EXOC5: variants seen among roughly 807,000 people sequenced by gnomAD.
EXOC5 encodes the protein exocyst complex component 5.
A neutral mutation model predicts 90.8 loss-of-function variants in EXOC5; 17 were observed. The observed-to-expected ratio is 0.19, with a 90% confidence interval of 0.13 to 0.28. The LOEUF is 0.28. EXOC5 is among the 10% of genes least tolerant of loss of function. EXOC5 has a pLI of 1.00. For missense variants in EXOC5, 569 were observed against 830.6 expected (o/e 0.69, Z 3.87); for synonymous variants, 260 against 270.0 (o/e 0.96, Z 0.36).
At chr14:57,246,625 C>T (rs1594674795) in intron 3 of EXOC5, 86 bp downstream of exon 3, 2 of 1,162,582 alleles carry the variant, frequency 1.7e-6, no homozygotes, top group Non-Finnish European at 1.3e-6. Context: ...TATCATCTGA[C>T]TAGACTTTTT....
At chr14:57,218,398 A>C (rs1441048810) in intron 14 of EXOC5, among the ~76,000 whole-genome samples, 2 of 152,076 alleles carry the variant, frequency 1.3e-5, no homozygotes, top group Non-Finnish European at 2.9e-5. Context: ...TTTCTTTATA[A>C]ACAAATATCT....
chr14:57,217,575 T>C (rs559405127), intron 15 of EXOC5, among the ~76,000 whole-genome samples: 25 of 152,294 alleles, frequency 1.6e-4, no homozygotes, highest in Middle Eastern at 3.4e-3. Flanking sequence ...GTGTTCTGAC[T>C]ACTCCAGATA....
chr14:57,216,081 G>A lies in EXOC5; in HGVS notation c.1613+1901C>T, dbSNP rs911275323. Among the ~76,000 whole-genome samples, 3 of 151,830 alleles carry A rather than the reference G, an allele frequency of 2.0e-5. No individual in the cohort carries two copies. In the East Asian group the frequency reaches 5.8e-4, roughly 29 times the overall value. On this transcript the variant is annotated intron_variant, in intron 15 of 17. Coordinates refer to ENST00000621441, the MANE Select transcript of EXOC5 (RefSeq NM_006544.4). ...ATCCCATTTACAATAGCATGAAAAA[G>A]AATAAAATATTTAGGAATTAACCAA... is the stretch of plus-strand genomic sequence containing the variant.
At chr14:57,237,315 G>T (rs747528450) in intron 6 of EXOC5, 23 bp downstream of exon 6, 1 of 1,259,256 alleles carries the variant, frequency 7.9e-7, no homozygotes, top group Non-Finnish European at 1.1e-6. Context: ...TTAAAAAAAA[G>T]GTAAAATAAA....
intron 1 of EXOC5, among the ~76,000 whole-genome samples, chr14:57,266,092 A>T (rs1392040839): frequency 6.6e-6 from 1 of 152,222 alleles, no homozygotes; most frequent in East Asian, 1.9e-4. Context: ...TCAAAAGCTT[A>T]ATTTTGTTTT....
rs769852391 is a variant in EXOC5, at chr14:57,268,675, C to A, written c.-27G>T. 6 of 1,574,844 alleles carry A rather than the reference C, an allele frequency of 3.8e-6. No homozygotes were observed. The highest frequency in any genetic ancestry group is 1.1e-5 in the South Asian group (1 of 87,288). On this transcript the variant is annotated 5_prime_UTR_variant, in exon 1 of 18. Coordinates refer to ENST00000621441, the MANE Select transcript of EXOC5 (RefSeq NM_006544.4). Reference sequence around the variant, plus strand: ...CCGGCCGGCTGAGAGGCTCGCCCCCCACTGGATGCCGTCTCCGCTTCACAT... The same window carrying A: ...CCGGCCGGCTGAGAGGCTCGCCCCCAACTGGATGCCGTCTCCGCTTCACAT...
At chr14:57,254,912 A>G (rs1002078466) in intron 1 of EXOC5, among the ~76,000 whole-genome samples, 1 of 152,268 alleles carries the variant, frequency 6.6e-6, no homozygotes, top group Admixed American at 6.5e-5. Flanking sequence ...TGAGAAATAA[A>G]TTTCTGTTGT....
chr14:57,239,725 A>G (rs1402602792), intron 4 of EXOC5, 66 bp from the exon 5 acceptor site: 2 of 955,334 alleles, frequency 2.1e-6, no homozygotes, highest in East Asian at 2.7e-5. Context: ...ATAATTATAT[A>G]TCTGAAATTA....
intron 4 of EXOC5, among the ~76,000 whole-genome samples, chr14:57,240,321 C>G (rs1018994645): frequency 6.6e-6 from 1 of 151,270 alleles, no homozygotes; most frequent in African/African-American, 2.4e-5. Flanking sequence ...ACAGATATCT[C>G]TTAAGGCTGG....
rs1198918181 is a variant in EXOC5, at chr14:57,203,176, C to G, written c.*5433G>C. On this transcript the variant is annotated 3_prime_UTR_variant, in exon 18 of 18. Coordinates refer to ENST00000621441, the MANE Select transcript of EXOC5 (RefSeq NM_006544.4). Reference sequence around the variant, plus strand: ...TGTTGCCCAGAGTGGTCTTGAACTCCTAGCTTCAAGTGTTCTTCCCACCTC... The same window carrying G: ...TGTTGCCCAGAGTGGTCTTGAACTCGTAGCTTCAAGTGTTCTTCCCACCTC... 1 of 152,184 alleles carries G rather than the reference C, an allele frequency of 6.6e-6. No homozygotes were observed. The highest frequency in any genetic ancestry group is 2.4e-5 in the African/African-American group (1 of 41,422). The allele number at this position is 152,184 out of a possible 1,614,324, so 9.4% of individuals were successfully genotyped here.
chr14:57,238,223 TACACACACAC>T (rs61373267), intron 5 of EXOC5, among the ~76,000 whole-genome samples: 6 of 125,090 alleles, frequency 4.8e-5, no homozygotes, highest in South Asian at 2.5e-4. Context: ...CACATATATA[TACACACACAC>T]ACACACACAC....
At chr14:57,246,246 G>A (rs1235619106) in intron 3 of EXOC5, among the ~76,000 whole-genome samples, 1 of 152,224 alleles carries the variant, frequency 6.6e-6, no homozygotes, top group East Asian at 1.9e-4. Context: ...ATTCTCATTG[G>A]AGCATACCCT....
intron 15 of EXOC5, among the ~76,000 whole-genome samples, chr14:57,214,438 T>G (rs1882916851): frequency 6.6e-6 from 1 of 152,074 alleles, no homozygotes; most frequent in Admixed American, 6.6e-5. Flanking sequence ...ATTTCGGATT[T>G]TTGGATTGGG....
In EXOC5 at chr14:57,205,708, C is replaced by A. The variant is rs1882630616; in HGVS notation, c.*2901G>T. 11 of 360,112 alleles carry A rather than the reference C, an allele frequency of 3.1e-5. No individual in the cohort carries two copies. The highest frequency in any genetic ancestry group is 2.4e-4 in the South Asian group (11 of 45,244). The allele number at this position is 360,112 out of a possible 1,614,324, so 22.3% of individuals were successfully genotyped here. ...AATTATTTCACTGTGAACCAGAAGG[C>A]TAGTATTTAGAAAGCAAAATATTTA... On this transcript the variant is annotated 3_prime_UTR_variant, in exon 18 of 18. Transcript: ENST00000621441.
intron 7 of EXOC5, among the ~76,000 whole-genome samples, chr14:57,234,427 T>C (rs1283024106): frequency 6.6e-6 from 1 of 150,700 alleles, no homozygotes; most frequent in Non-Finnish European, 1.5e-5. Context: ...AGTCAAGGTC[T>C]TGGGAAAAGG....
chr14:57,243,989 C>T (rs1883956588), intron 4 of EXOC5, 176 bp downstream of exon 4: 1 of 537,690 alleles, frequency 1.9e-6, no homozygotes, highest in South Asian at 2.7e-5. Context: ...AATATTAACA[C>T]TTCATCAGCA....
At chr14:57,225,134 CCAA>C (rs1205341563) in intron 12 of EXOC5, among the ~76,000 whole-genome samples, 1 of 151,950 alleles carries the variant, frequency 6.6e-6, no homozygotes, top group Admixed American at 6.6e-5. Flanking sequence ...CAAACTTAAT[CCAA>C]CAATATATAA....
chr14:57,266,986 G>A (rs1335107964), intron 1 of EXOC5, among the ~76,000 whole-genome samples: 2 of 152,084 alleles, frequency 1.3e-5, no homozygotes, highest in South Asian at 2.1e-4. Context: ...AATGTCTTAT[G>A]AACTGTATGA....
chr14:57,223,794 G>A (rs574272396), intron 12 of EXOC5, among the ~76,000 whole-genome samples: 44 of 152,046 alleles, frequency 2.9e-4, no homozygotes, highest in African/African-American at 1.0e-3. Flanking sequence ...AAAAAAGATG[G>A]ACCATATTCT....
Sources: gnomAD v4.1 joint callset for allele counts (sites outside exome capture counted in the v4.1 genomes callset) on GRCh38, gnomAD v4.1.1 for gene constraint, MANE v1.5 for transcripts, NCBI Gene and HGNC (gene_info 2026-07-23, HGNC 2026-07-21) for gene names.